Variants in TET2 observed in about 807,000 individuals in gnomAD.
TET2 encodes the protein methylcytosine dioxygenase TET2.
Under a neutral mutation model 142.9 loss-of-function variants are expected in TET2, and 299 were observed. The observed-to-expected ratio is 2.09, with a 90% CI of 1.90 to 2.30. The LOEUF (loss-of-function observed/expected upper bound fraction) is 2.30. Among genes scored for constraint, TET2 ranks in the 30% most tolerant of loss-of-function variants. The probability of loss-of-function intolerance (pLI) is 0.00; values close to 1 mark genes in which losing one functional copy is unlikely to be tolerated. For missense variants in TET2, 2,418 were observed against 2,378.0 expected, an observed-to-expected ratio of 1.02 and a Z score of -0.35; for synonymous variants, 819 against 849.0, an observed-to-expected ratio of 0.96 and a Z score of 0.61.
intron 6 of TET2, among the ~76,000 whole-genome samples, chr4:105,252,529 AAC>A (rs1314887403): frequency 6.6e-6 from 1 of 152,210 alleles, no homozygotes; most frequent in East Asian, 1.9e-4. Context: ...TTGAGTAAAT[AAC>A]ACAGAGCACA....
chr4:105,274,904 G>A, intron 10 of TET2, 144 bp from the exon 11 acceptor site: 1 of 1,100,702 alleles, frequency 9.1e-7, no homozygotes, highest in Non-Finnish European at 1.2e-6. Flanking sequence ...TCAGAACCCT[G>A]ACTTTGCTCT....
At chr4:105,259,242 A>C (rs1730295835) in intron 6 of TET2, among the ~76,000 whole-genome samples, 2 of 152,158 alleles carry the variant, frequency 1.3e-5, no homozygotes, top group Non-Finnish European at 2.9e-5. Flanking sequence ...CATTATTAAC[A>C]TAAAAATAGG....
intron 2 of TET2, among the ~76,000 whole-genome samples, chr4:105,232,284 A>G (rs890107375): frequency 1.3e-5 from 2 of 152,190 alleles, no homozygotes; most frequent in African/African-American, 4.8e-5. Flanking sequence ...ATTTAGGTTG[A>G]TTCCATGTCT....
upstream of TET2, chr4:105,145,926 G>A (rs1425681702): frequency 6.6e-6 from 1 of 152,198 alleles, no homozygotes. Flanking sequence ...CAATTTCCCA[G>A]TTTGTCGGGT....
intron 1 of TET2, among the ~76,000 whole-genome samples, chr4:105,158,653 A>G (rs971924910): frequency 3.9e-5 from 6 of 152,210 alleles, no homozygotes; most frequent in African/African-American, 1.4e-4. Context: ...TAAATAAGCA[A>G]GCAGGAATAA....
At chr4:105,253,400 A>G (rs1729966056) in intron 6 of TET2, among the ~76,000 whole-genome samples, 1 of 152,130 alleles carries the variant, frequency 6.6e-6, no homozygotes, top group African/African-American at 2.4e-5. Flanking sequence ...AGATTTATAC[A>G]TAAATATTTC....
At chr4:105,199,706 C>G (rs1363660976) in intron 2 of TET2, among the ~76,000 whole-genome samples, 2 of 152,188 alleles carry the variant, frequency 1.3e-5, no homozygotes, top group East Asian at 3.9e-4. Flanking sequence ...CCTCCACCCT[C>G]TGATAGGCCC....
Position 105,234,915 on chromosome 4 carries a change from C to T in TET2, c.973C>T (p.Gln325Ter), listed in dbSNP as rs1224968086. 1.9e-6 allele frequency: 3 copies of T among 1,613,964 alleles called. No individual in the cohort carries two copies. Among genetic ancestry groups the T allele is most frequent in the Admixed American group, 1.7e-5 (1 of 59,988 alleles). ...TCAGAAACCAGAACAACTACAACAA[C>T]AAAAATCAGTTTTTGAGATATGCCC... ...SFQKPEQLQQ[Q>*]KSVFEICPSP... Residue 325 changes from glutamine to a stop codon, truncating the protein, a stop_gained, in exon 3 of 11, where the codon CAA (glutamine) becomes TAA (stop). Transcript: ENST00000380013. LOFTEE classifies it high-confidence loss of function.
intron 2 of TET2, among the ~76,000 whole-genome samples, chr4:105,198,709 C>T (rs1726247767): frequency 6.6e-6 from 1 of 152,152 alleles, no homozygotes; most frequent in African/African-American, 2.4e-5. Context: ...CCTTTCCATA[C>T]CATGCAGGAA....
Position 105,275,949 on chromosome 4 carries a change from AG to A in TET2, c.5441del (p.Gly1814GlufsTer6). 6.4e-7 allele frequency: 1 copy of A among 1,551,924 alleles called. No individual in the cohort carries two copies. The highest frequency in any genetic ancestry group is 8.7e-7 in the Non-Finnish European group (1 of 1,146,998). On this transcript the variant is annotated frameshift_variant, in exon 11 of 11. Transcript: ENST00000380013. LOFTEE classifies it low-confidence loss of function (END_TRUNC). The stretch of plus-strand genomic sequence containing the variant: ...ACCATGATAGAACTGCTTGTGTCCA[AG>A]GAGGCTTACACAAATTAAGTGATGC... ...LNHDRTACVQ[G>X]GLHKLSDANG...
chr4:105,274,811 G>T (rs535613381), intron 10 of TET2, among the ~76,000 whole-genome samples: 2 of 152,128 alleles, frequency 1.3e-5, no homozygotes, highest in African/African-American at 4.8e-5. Flanking sequence ...TCAATGGAAT[G>T]GCTTTGGATG....
intron 1 of TET2, among the ~76,000 whole-genome samples, chr4:105,157,711 C>T (rs1417059193): frequency 1.3e-5 from 2 of 152,158 alleles, no homozygotes; most frequent in Admixed American, 6.5e-5. Context: ...GAGTCTCACT[C>T]TCTTGCCCAG....
intron 7 of TET2, among the ~76,000 whole-genome samples, chr4:105,261,317 T>C (rs1730414696): frequency 6.6e-6 from 1 of 152,270 alleles, no homozygotes; most frequent in South Asian, 2.1e-4. Flanking sequence ...AAATTTTAGT[T>C]GCTCTATGGA....
At chr4:105,191,877 T>C (rs939242901) in intron 2 of TET2, among the ~76,000 whole-genome samples, 12 of 152,084 alleles carry the variant, frequency 7.9e-5, no homozygotes, top group Non-Finnish European at 1.6e-4. Flanking sequence ...AATTTTCCCC[T>C]TGCATGTTAA....
At position 105,275,531 on chromosome 4, in the gene TET2, C is replaced by T. The variant is rs930165546; in HGVS notation, c.5021C>T (p.Pro1674Leu). Residue 1674 changes from proline to leucine, a missense_variant, in exon 11 of 11, where the codon CCC becomes CTC. Physicochemically the swap from Pro to Leu is moderately conservative, Grantham distance 98 (BLOSUM62 -3). Coordinates refer to ENST00000380013, the MANE Select transcript of TET2 (RefSeq NM_001127208.3). ...QDPLSKLSLP[P>L]IHTLYQPRFG... The stretch of plus-strand genomic sequence containing the variant: ...CCTCTGTCTAAGCTCAGTCTACCAC[C>T]CATCCATACACTTTACCAGCCAAGG... 3 of 1,551,572 alleles carry T rather than the reference C, an allele frequency of 1.9e-6. No homozygotes were observed. The African/African-American group carries it at 4.1e-5, about 21-fold the overall frequency.
intron 1 of TET2, among the ~76,000 whole-genome samples, chr4:105,186,477 T>TC (rs1436844511): frequency 7.0e-6 from 1 of 143,882 alleles, no homozygotes; most frequent in Non-Finnish European, 1.5e-5. Context: ...CATTTTCTTT[T>TC]TTTTTTTTTT....
At chr4:105,271,084 C>T (rs1211960689) in intron 9 of TET2, among the ~76,000 whole-genome samples, 1 of 152,164 alleles carries the variant, frequency 6.6e-6, no homozygotes, top group Non-Finnish European at 1.5e-5. Context: ...CATAGGATTT[C>T]TGTCACATTG....
At chr4:105,161,105 TTAAA>T (rs1723835209) in intron 1 of TET2, among the ~76,000 whole-genome samples, 1 of 152,180 alleles carries the variant, frequency 6.6e-6, no homozygotes, top group Non-Finnish European at 1.5e-5. Context: ...CTGGAATAAT[TTAAA>T]TATTATCTGA....
Position 105,261,866 on chromosome 4 carries a change from T to C in TET2, c.4044+18T>C, listed in dbSNP as rs1207769742. ...ATAATCAGGTAAGTTTAAATAATCATTGGCAGCAATTGTAACAACTTACTT... is the reference window on the plus strand; with the variant it reads ...ATAATCAGGTAAGTTTAAATAATCACTGGCAGCAATTGTAACAACTTACTT... On this transcript the variant is annotated intron_variant, in intron 8 of 10. Transcript: ENST00000380013. The C allele has an allele frequency of 7.1e-7, 1 of 1,402,484 alleles. No individual in the cohort carries two copies. The highest frequency in any genetic ancestry group is 1.4e-5 in the African/African-American group (1 of 69,384). 86.9% of individuals were successfully genotyped at this position (1,402,484 alleles called of 1,614,324 possible). A position where few individuals can be genotyped will look rare whatever the true frequency, so the allele number is the denominator to read the frequency against.
Sources: allele counts gnomAD v4.1 joint callset (sites outside exome capture counted in the v4.1 genomes callset), GRCh38; gene constraint gnomAD v4.1.1; transcripts MANE v1.5; gene names NCBI Gene and HGNC (gene_info 2026-07-23, HGNC 2026-07-21).